LHFPL3: variants seen among roughly 807,000 people sequenced by gnomAD.
LHFPL3 encodes LHFPL tetraspan subfamily member 3, also known as LHFPL tetraspan subfamily member 3 protein.
A neutral mutation model predicts 19.3 loss-of-function variants in LHFPL3; 5 were observed. The ratio of observed to expected loss-of-function variants is 0.26; its 90% confidence interval spans 0.14 to 0.54. LHFPL3 has a LOEUF of 0.54. LHFPL3 is among the 20% of genes least tolerant of loss of function. The pLI is 0.94. For missense variants in LHFPL3, 249 were observed against 307.4 expected (o/e 0.81, Z 1.42); for synonymous variants, 133 against 126.2 (o/e 1.05, Z -0.36).
At chr7:104,354,476 C>G (rs960336057) in intron 1 of LHFPL3, among the ~76,000 whole-genome samples, 4 of 152,242 alleles carry the variant, frequency 2.6e-5, no homozygotes, top group Non-Finnish European at 5.9e-5. Context: ...GCTGCTCCAG[C>G]CCCCACACAT....
chr7:104,467,175 T>C (rs1792805349), intron 1 of LHFPL3, among the ~76,000 whole-genome samples: 1 of 152,224 alleles, frequency 6.6e-6, no homozygotes, highest in Non-Finnish European at 1.5e-5. Flanking sequence ...TATTGTTCTC[T>C]GGTGGTGTTA....
intron 1 of LHFPL3, among the ~76,000 whole-genome samples, chr7:104,516,604 C>G (rs2115790091): frequency 6.7e-6 from 1 of 150,260 alleles, no homozygotes; most frequent in Admixed American, 6.6e-5. Flanking sequence ...GATATCCTCT[C>G]ACACTAGTCA....
chr7:104,601,359 C>T (rs982426144), intron 1 of LHFPL3, among the ~76,000 whole-genome samples: 1 of 152,118 alleles, frequency 6.6e-6, no homozygotes, highest in East Asian at 1.9e-4. Context: ...ATCCTTTCAA[C>T]AAAATGTGTT....
intron 2 of LHFPL3, among the ~76,000 whole-genome samples, chr7:104,840,033 T>C (rs991991926): frequency 2.7e-5 from 4 of 149,432 alleles, no homozygotes; most frequent in African/African-American, 9.8e-5. Flanking sequence ...TTAAGATTAA[T>C]TGACAATTAT....
Position 104,704,164 on chromosome 7 carries a change from T to C in LHFPL3, c.446-32511T>C, listed in dbSNP as rs547397774. 5.9e-5 allele frequency among the ~76,000 whole-genome samples: 9 copies of C among 152,272 alleles called. No homozygotes were observed. In the South Asian group the frequency reaches 1.9e-3, roughly 32 times the overall value. Reference sequence around the variant, plus strand: ...TCATCTTGTAATTTGAAGCTGGCCATGGTGGAAATGATTATACTATGAAAA... The same window carrying C: ...TCATCTTGTAATTTGAAGCTGGCCACGGTGGAAATGATTATACTATGAAAA... On this transcript the variant is annotated intron_variant, in intron 1 of 2. Coordinates refer to ENST00000424859, the MANE Select transcript of LHFPL3 (RefSeq NM_199000.3).
chr7:104,808,437 T>C (rs185758838), intron 2 of LHFPL3, among the ~76,000 whole-genome samples: 365 of 152,342 alleles, frequency 2.4e-3, no homozygotes, highest in African/African-American at 6.9e-3. Context: ...CCTATGTCTC[T>C]GTGACTGGCC....
intron 1 of LHFPL3, among the ~76,000 whole-genome samples, chr7:104,365,028 G>T (rs1790457559): frequency 6.6e-6 from 1 of 152,126 alleles, no homozygotes; most frequent in Non-Finnish European, 1.5e-5. Context: ...GGCTGGGTGT[G>T]GTGGCTCACA....
chr7:104,519,748 A>G (rs180938624), intron 1 of LHFPL3, among the ~76,000 whole-genome samples: 140 of 152,176 alleles, frequency 9.2e-4, no homozygotes, highest in Non-Finnish European at 1.7e-3. Context: ...GGAGCCATAG[A>G]TTATAATTGA....
At chr7:104,330,677 C>G (rs1801550876) in intron 1 of LHFPL3, among the ~76,000 whole-genome samples, 1 of 152,174 alleles carries the variant, frequency 6.6e-6, no homozygotes. Flanking sequence ...CTCCTTTACA[C>G]ATACCATTAT....
At chr7:104,457,408 T>C (rs1285768401) in intron 1 of LHFPL3, among the ~76,000 whole-genome samples, 1 of 151,842 alleles carries the variant, frequency 6.6e-6, no homozygotes, top group African/African-American at 2.4e-5. Context: ...TGAGAATGAT[T>C]TCCAATTTCA....
intron 1 of LHFPL3, among the ~76,000 whole-genome samples, chr7:104,575,527 A>G (rs1282377099): frequency 7.2e-6 from 1 of 139,448 alleles, no homozygotes; most frequent in African/African-American, 2.6e-5. Context: ...ATGAGAAATG[A>G]GTGAGAACAG....
chr7:104,330,322 A>G (rs1260534455), intron 1 of LHFPL3, among the ~76,000 whole-genome samples: 5 of 152,196 alleles, frequency 3.3e-5, no homozygotes, highest in Non-Finnish European at 2.9e-5. Flanking sequence ...AGGGCACTGA[A>G]TATCTTAGGC....
At position 104,741,772 on chromosome 7, in the gene LHFPL3, G is replaced by A. The variant is rs143262229; in HGVS notation, c.682+4861G>A. 8.4e-3 allele frequency among the ~76,000 whole-genome samples: 1,275 copies of A among 152,154 alleles called. 22 individuals carry two copies. Among genetic ancestry groups the A allele is most frequent in the African/African-American group, 0.027 (1,141 of 41,516 alleles). On this transcript the variant is annotated intron_variant, in intron 2 of 2. Transcript: ENST00000424859. ...GTACCCAGGCTGGCCTCAAACTCCC[G>A]GTTTCAAGGGATCCTCCTGCCTCGG...
At chr7:104,574,160 A>T (rs1185289332) in intron 1 of LHFPL3, among the ~76,000 whole-genome samples, 1 of 152,172 alleles carries the variant, frequency 6.6e-6, no homozygotes, top group East Asian at 1.9e-4. Context: ...TGAATTTTTC[A>T]ATTATATTTG....
intron 1 of LHFPL3, among the ~76,000 whole-genome samples, chr7:104,579,315 C>A (rs1411651256): frequency 6.6e-6 from 1 of 152,090 alleles, no homozygotes; most frequent in East Asian, 1.9e-4. Flanking sequence ...CTGTTTCCTC[C>A]CTCCTCTCTT....
At chr7:104,850,315 A>G (rs116941819) in intron 2 of LHFPL3, among the ~76,000 whole-genome samples, 32 of 152,294 alleles carry the variant, frequency 2.1e-4, no homozygotes, top group Non-Finnish European at 3.1e-4. Flanking sequence ...AAAATAAATA[A>G]ATAAAAGTAA....
At chr7:104,860,276 C>T (rs879769557) in intron 2 of LHFPL3, among the ~76,000 whole-genome samples, 1 of 152,096 alleles carries the variant, frequency 6.6e-6, no homozygotes, top group Non-Finnish European at 1.5e-5. Flanking sequence ...CTGCCCAATG[C>T]AGGCAGGGTT....
chr7:104,709,658 ATC>A (rs1200292765), intron 1 of LHFPL3, among the ~76,000 whole-genome samples: 1 of 151,484 alleles, frequency 6.6e-6, no homozygotes, highest in Non-Finnish European at 1.5e-5. Flanking sequence ...TAACAATCTG[ATC>A]TCTCTTTCTT....
intron 1 of LHFPL3, among the ~76,000 whole-genome samples, chr7:104,427,907 G>C (rs1791879606): frequency 6.6e-6 from 1 of 152,204 alleles, no homozygotes; most frequent in African/African-American, 2.4e-5. Context: ...TCAGGAATGA[G>C]AAATATCACC....
Sources: allele counts gnomAD v4.1 joint callset (sites outside exome capture counted in the v4.1 genomes callset), GRCh38; gene constraint gnomAD v4.1.1; transcripts MANE v1.5; gene names NCBI Gene and HGNC (gene_info 2026-07-23, HGNC 2026-07-21).